The following MAP2K5 variants were observed in gnomAD, a reference collection of about 807,000 sequenced individuals.
The protein encoded by MAP2K5 is dual specificity mitogen-activated protein kinase kinase 5.
Under a neutral mutation model 83.1 loss-of-function variants are expected in MAP2K5, and 49 were observed. The ratio of observed to expected loss-of-function variants is 0.59; its 90% CI spans 0.47 to 0.75. The LOEUF (loss-of-function observed/expected upper bound fraction) is 0.75. Ranked by LOEUF, MAP2K5 falls within the 30% of genes least tolerant of loss-of-function variation. The pLI is 0.00. For synonymous variants in MAP2K5, 202 were observed against 191.8 expected (o/e 1.05, Z -0.44); for missense variants, 457 against 557.5 (o/e 0.82, Z 1.82).
rs1262520880 is a variant in MAP2K5 at position 67,783,279 on chromosome 15, G to A, written c.1242+10527G>A. Among the ~76,000 whole-genome samples, 2 of 152,148 alleles carry A rather than the reference G, an allele frequency of 1.3e-5. No individual in the cohort carries two copies. The highest frequency in any genetic ancestry group is 3.9e-4 in the East Asian group (2 of 5,174). On this transcript the variant is annotated intron_variant, in intron 21 of 21. Transcript: ENST00000178640. The surrounding 1 kb of genome is among the most constrained non-coding windows in gnomAD (Gnocchi z 5.1). ...CACAGCCAAGCACAGGATAGAATGT[G>A]AGAATTGCCAGAGACCCCCGCTCAC...
At chr15:67,667,960 A>T (rs1411494810) in intron 13 of MAP2K5, among the ~76,000 whole-genome samples, 3 of 152,082 alleles carry the variant, frequency 2.0e-5, no homozygotes, top group Admixed American at 1.3e-4. Context: ...GCGGCAAACC[A>T]CTCATCCCAT....
At position 67,636,581 on chromosome 15, in the gene MAP2K5, G is replaced by A. The variant is rs1238781366; in HGVS notation, c.585+5654G>A. ...TCTTATAATTTTTTTTAAGTGAAAA[G>A]CAAGTTTATTAAGAAAGTAAAGGAA... On this transcript the variant is annotated intron_variant, in intron 9 of 21. Coordinates refer to ENST00000178640, the MANE Select transcript of MAP2K5 (RefSeq NM_145160.3). The surrounding 1 kb of genome is among the most constrained non-coding windows in gnomAD (Gnocchi z 4.7). 1.3e-5 allele frequency among the ~76,000 whole-genome samples: 2 copies of A among 151,672 alleles called. No homozygotes were observed. The highest frequency in any genetic ancestry group is 6.6e-5 in the Admixed American group (1 of 15,208).
rs538913623 is a variant in MAP2K5 at position 67,715,595 on chromosome 15, C to G, written c.1044+12187C>G. 2.6e-5 allele frequency among the ~76,000 whole-genome samples: 4 copies of G among 152,230 alleles called. No homozygotes were observed. In the East Asian group the frequency reaches 7.7e-4, roughly 29 times the overall value. ...CAGACTGATTTTAAAGTTTTTCCAACAGCACATACTCATATCATGTATACA... is the reference window on the plus strand; with the variant it reads ...CAGACTGATTTTAAAGTTTTTCCAAGAGCACATACTCATATCATGTATACA... On this transcript the variant is annotated intron_variant, in intron 16 of 21. Coordinates refer to ENST00000178640, the MANE Select transcript of MAP2K5 (RefSeq NM_145160.3).
chr15:67,798,686 G>A (rs1430549826), intron 21 of MAP2K5, among the ~76,000 whole-genome samples: 2 of 152,188 alleles, frequency 1.3e-5, no homozygotes, highest in Non-Finnish European at 2.9e-5. Flanking sequence ...ATGGCTAGAG[G>A]TAAGCAATTT....
In MAP2K5 at chr15:67,724,756, T is replaced by G. The variant is rs775822537; in HGVS notation, c.1045-3160T>G. ...AGACCTAGAGGGATAGAGGCATACA[T>G]AGAAGGCAGCGGTCCTCTCCTGGGG... On this transcript the variant is annotated intron_variant, in intron 16 of 21. Coordinates refer to ENST00000178640, the MANE Select transcript of MAP2K5 (RefSeq NM_145160.3). The surrounding 1 kb of genome is among the most constrained non-coding windows in gnomAD (Gnocchi z 4.4). Among the ~76,000 whole-genome samples, 1 of 152,164 alleles carries G rather than the reference T, an allele frequency of 6.6e-6. No homozygotes were observed. Among genetic ancestry groups the G allele is most frequent in the South Asian group, 2.1e-4 (1 of 4,830 alleles).
chr15:67,675,771 G>T (rs921843506), intron 13 of MAP2K5, among the ~76,000 whole-genome samples: 1 of 152,186 alleles, frequency 6.6e-6, no homozygotes, highest in Non-Finnish European at 1.5e-5. Context: ...AGAGAAGGTT[G>T]TCCTGGACTT....
intron 8 of MAP2K5, among the ~76,000 whole-genome samples, chr15:67,604,155 G>A (rs1295982032): frequency 6.6e-6 from 1 of 152,240 alleles, no homozygotes; most frequent in Admixed American, 6.5e-5. Flanking sequence ...AAATGGTAAT[G>A]TGAATTCTGT....
chr15:67,567,396 C>T (rs926948027), intron 3 of MAP2K5, among the ~76,000 whole-genome samples: 25 of 141,384 alleles, frequency 1.8e-4, no homozygotes, highest in East Asian at 2.0e-4. Context: ...CTCGCTCTGT[C>T]GCCCAGGCCG....
At chr15:67,803,255 G>T (rs1380121522) in intron 21 of MAP2K5, among the ~76,000 whole-genome samples, 1 of 152,200 alleles carries the variant, frequency 6.6e-6, no homozygotes, top group Non-Finnish European at 1.5e-5. Flanking sequence ...CTCCCAGCTG[G>T]ACTTGGTATT....
intron 17 of MAP2K5, among the ~76,000 whole-genome samples, chr15:67,729,632 C>T (rs186331495): frequency 0.027 from 4,034 of 151,976 alleles, 65 homozygotes; most frequent in Non-Finnish European, 0.038. Context: ...AAAAATTAGC[C>T]GGGCGTGGTG....
rs1387859873 is a variant in MAP2K5 at position 67,676,612 on chromosome 15, C to T, written c.847+11967C>T. Among the ~76,000 whole-genome samples, 1 of 152,114 alleles carries T rather than the reference C, an allele frequency of 6.6e-6. No homozygotes were observed. Among genetic ancestry groups the T allele is most frequent in the African/African-American group, 2.4e-5 (1 of 41,414 alleles). ...GGATTGGGTACAATCATAATGATAA[C>T]AATATTAATCATTTTCCTAATATCA... is the stretch of plus-strand genomic sequence containing the variant. On this transcript the variant is annotated intron_variant, in intron 13 of 21. Coordinates refer to ENST00000178640, the MANE Select transcript of MAP2K5 (RefSeq NM_145160.3). The surrounding 1 kb of genome is among the most constrained non-coding windows in gnomAD (Gnocchi z 4.8).
At chr15:67,678,946 G>A (rs538412388) in intron 13 of MAP2K5, among the ~76,000 whole-genome samples, 2 of 122,238 alleles carry the variant, frequency 1.6e-5, no homozygotes, top group East Asian at 2.5e-4. Context: ...CCTGGCAACC[G>A]AGTGACACTG....
intron 11 of MAP2K5, among the ~76,000 whole-genome samples, chr15:67,649,016 A>G (rs910138603): frequency 3.3e-5 from 5 of 152,182 alleles, no homozygotes; most frequent in African/African-American, 1.2e-4. Flanking sequence ...CCAGCACTGT[A>G]TAAGGTTCCA....
intron 16 of MAP2K5, among the ~76,000 whole-genome samples, chr15:67,716,430 A>G (rs556161078): frequency 3.9e-5 from 6 of 152,246 alleles, no homozygotes; most frequent in African/African-American, 1.4e-4. Context: ...CTGAAAGATA[A>G]GAAGGAACCA....
rs1420498508 is a variant in MAP2K5 at position 67,757,616 on chromosome 15, T to TC, written c.1134+9017dup. Among the ~76,000 whole-genome samples the TC allele has an allele frequency of 6.6e-6, 1 of 152,048 alleles. No individual in the cohort carries two copies. Among genetic ancestry groups the TC allele is most frequent in the East Asian group, 1.9e-4 (1 of 5,192 alleles). On this transcript the variant is annotated intron_variant, in intron 19 of 21. Transcript: ENST00000178640. The surrounding 1 kb of genome is among the most constrained non-coding windows in gnomAD (Gnocchi z 4.9). ...GATAGAGAATGAATAAGATGCTCTT[T>TC]CCACCATTAAAGAGCAGCTACCCTA...
chr15:67,644,950 C>A lies in MAP2K5; in HGVS notation c.586-1281C>A, dbSNP rs746705618. Among the ~76,000 whole-genome samples the A allele has an allele frequency of 5.9e-5, 9 of 151,830 alleles. No individual in the cohort carries two copies. Among genetic ancestry groups the A allele is most frequent in the Non-Finnish European group, 1.2e-4 (8 of 67,988 alleles). On this transcript the variant is annotated intron_variant, in intron 9 of 21. Coordinates refer to ENST00000178640, the MANE Select transcript of MAP2K5 (RefSeq NM_145160.3). The surrounding 1 kb of genome is among the most constrained non-coding windows in gnomAD (Gnocchi z 4.6). ...GATCATTGAGGTCAGGAGTTCAAGA[C>A]CAGCCTGGCCAACATGGTGAAACCC...
chr15:67,692,778 T>C (rs1199292588), intron 14 of MAP2K5, among the ~76,000 whole-genome samples: 1 of 152,206 alleles, frequency 6.6e-6, no homozygotes, highest in Non-Finnish European at 1.5e-5. Flanking sequence ...GATATTGTAA[T>C]TACTACTTAC....
At chr15:67,693,132 T>C (rs955011525) in intron 14 of MAP2K5, among the ~76,000 whole-genome samples, 13 of 152,338 alleles carry the variant, frequency 8.5e-5, no homozygotes, top group African/African-American at 3.1e-4. Context: ...GCGTATTTAG[T>C]GTTCATTTCA....
At chr15:67,649,364 C>T (rs1049778500) in intron 11 of MAP2K5, among the ~76,000 whole-genome samples, 2 of 151,104 alleles carry the variant, frequency 1.3e-5, no homozygotes, top group African/African-American at 4.9e-5. Flanking sequence ...TTTTCTTTTC[C>T]TTTTTTTGAG....
Sources: gnomAD v4.1 joint callset for allele counts (sites outside exome capture counted in the v4.1 genomes callset) on GRCh38, gnomAD v4.1.1 for gene constraint, Gnocchi (gnomAD v3.1) non-coding constraint, MANE v1.5 for transcripts, NCBI Gene and HGNC (gene_info 2026-07-23, HGNC 2026-07-21) for gene names.